ZNF536: variants seen among roughly 807,000 people sequenced by gnomAD.
ZNF536 encodes the protein zinc finger protein 536.
ZNF536 carries 13 observed loss-of-function variants against 84.5 expected under a neutral mutation model. The ratio of observed to expected loss-of-function variants is 0.15; its 90% confidence interval spans 0.10 to 0.24. The LOEUF is 0.24. ZNF536 is among the 10% of genes least tolerant of loss of function. The probability of loss-of-function intolerance (pLI) is 1.00; values close to 1 mark genes in which losing one functional copy is unlikely to be tolerated. For synonymous variants in ZNF536, 811 were observed against 742.5 expected, an observed-to-expected ratio of 1.09 and a Z score of -1.50; for missense variants, 1,536 against 1,747.5, an observed-to-expected ratio of 0.88 and a Z score of 2.16.
At chr19:30,516,676 G>C (rs1034215071) in intron 2 of ZNF536, among the ~76,000 whole-genome samples, 2 of 152,136 alleles carry the variant, frequency 1.3e-5, no homozygotes, top group Non-Finnish European at 1.5e-5. Flanking sequence ...GGGTACTCTT[G>C]GTAAGTAGGC....
intron 1 of ZNF536, among the ~76,000 whole-genome samples, chr19:30,602,313 C>G (rs1266665957): frequency 1.3e-5 from 2 of 152,184 alleles, no homozygotes; most frequent in South Asian, 2.1e-4. Flanking sequence ...TATGGAGTAT[C>G]TGCTCTACGC....
chr19:30,262,160 A>T (rs1342713295), intron 1 of ZNF536, among the ~76,000 whole-genome samples: 1 of 152,242 alleles, frequency 6.6e-6, no homozygotes, highest in Non-Finnish European at 1.5e-5. Flanking sequence ...TAAAAGACAA[A>T]TAAGAACACA....
At chr19:30,517,967 C>A (rs563306939) in intron 2 of ZNF536, among the ~76,000 whole-genome samples, 1 of 152,144 alleles carries the variant, frequency 6.6e-6, no homozygotes, top group Non-Finnish European at 1.5e-5. Flanking sequence ...GTGGGCACAG[C>A]GTGTACCTAC....
intron 2 of ZNF536, among the ~76,000 whole-genome samples, chr19:30,481,510 T>C (rs1284035328): frequency 6.6e-6 from 1 of 152,216 alleles, no homozygotes; most frequent in East Asian, 1.9e-4. Context: ...TTTTGAACCC[T>C]GGTATGTTAA....
chr19:30,712,479 A>AG (rs1227257392), exon 2 of ZNF536: 2 of 152,194 alleles, frequency 1.3e-5, no homozygotes, highest in Non-Finnish European at 2.9e-5. Flanking sequence ...GCACAGATTA[A>AG]ACCCCAGGGC....
intron 1 of ZNF536, among the ~76,000 whole-genome samples, chr19:30,396,592 C>CTCT (rs1299362380): frequency 8.9e-6 from 1 of 112,402 alleles, no homozygotes; most frequent in African/African-American, 3.4e-5. Flanking sequence ...AGGGCTCTCT[C>CTCT]TTTTTTTTTT....
At chr19:30,315,664 G>T (rs1286739344) in intron 2 of ZNF536, among the ~76,000 whole-genome samples, 3 of 152,200 alleles carry the variant, frequency 2.0e-5, no homozygotes, top group Non-Finnish European at 2.9e-5. Context: ...ACAGATTTCT[G>T]TAACGTGAAA....
chr19:30,395,613 T>G (rs1252493141), intron 1 of ZNF536, among the ~76,000 whole-genome samples: 1 of 152,220 alleles, frequency 6.6e-6, no homozygotes, highest in Admixed American at 6.5e-5. Flanking sequence ...TGTTCTCTTC[T>G]GACAACAAGC....
rs1229570147 is a variant in ZNF536 at position 30,445,190 on chromosome 19, C to T, written c.1628C>T (p.Pro543Leu). 8 of 1,614,168 alleles carry T rather than the reference C, an allele frequency of 5.0e-6. No homozygotes were observed. The highest frequency in any genetic ancestry group is 2.2e-5 in the East Asian group (1 of 44,856). ...MEHGFLSKEH[P>L]LQRNHEDTLA... The stretch of plus-strand genomic sequence containing the variant: ...CATGGCTTCTTGTCTAAAGAGCATC[C>T]GCTGCAGCGCAACCACGAAGACACT... The change falls in exon 2 of 5, where the codon CCG (proline) becomes CTG (leucine). Residue 543 changes from proline (P) to leucine (L), a missense_variant. Pro to Leu is a moderately conservative substitution (Grantham distance 98). Coordinates refer to ENST00000355537, the MANE Select transcript of ZNF536 (RefSeq NM_014717.3). This position sits in a 1 kb window ranked among gnomAD's most constrained non-coding sequence, Gnocchi z 4.5.
At chr19:30,401,575 C>T (rs910010600) in intron 1 of ZNF536, among the ~76,000 whole-genome samples, 2 of 152,234 alleles carry the variant, frequency 1.3e-5, no homozygotes, top group Non-Finnish European at 2.9e-5. Flanking sequence ...TCCTTGCTTA[C>T]ACATGTTCTC....
chr19:30,381,620 T>C (rs1600477917), intron 1 of ZNF536, among the ~76,000 whole-genome samples: 1 of 152,166 alleles, frequency 6.6e-6, no homozygotes, highest in Non-Finnish European at 1.5e-5. Flanking sequence ...GATGGGAAAT[T>C]AGGCCATAAT....
chr19:30,611,024 A>G (rs2048087242), intron 1 of ZNF536, among the ~76,000 whole-genome samples: 1 of 152,142 alleles, frequency 6.6e-6, no homozygotes, highest in Admixed American at 6.5e-5. Flanking sequence ...ATGTGCTTCC[A>G]AGTCTGGGCT....
At chr19:30,260,030 G>T (rs747361555) in intron 1 of ZNF536, among the ~76,000 whole-genome samples, 2 of 151,302 alleles carry the variant, frequency 1.3e-5, no homozygotes, top group Non-Finnish European at 2.9e-5. Context: ...CTCCCAAAGT[G>T]CTGGGATTAC....
chr19:30,541,250 G>C (rs993766762), intron 3 of ZNF536, among the ~76,000 whole-genome samples: 2 of 152,156 alleles, frequency 1.3e-5, no homozygotes, highest in African/African-American at 4.8e-5. Context: ...TATCTAGGCT[G>C]TTTTCACACA....
chr19:30,285,976 G>C (rs773528693), intron 2 of ZNF536, among the ~76,000 whole-genome samples: 2 of 152,162 alleles, frequency 1.3e-5, no homozygotes, highest in South Asian at 2.1e-4. Flanking sequence ...AGAGTTCCAT[G>C]GTGCTTTTTC....
intron 1 of ZNF536, among the ~76,000 whole-genome samples, chr19:30,259,407 C>T (rs1473633269): frequency 1.3e-5 from 2 of 152,140 alleles, no homozygotes; most frequent in Non-Finnish European, 2.9e-5. Context: ...GTGGTCCTGG[C>T]GCAACAGCAT....
chr19:30,384,181 CTTTCTCCT>C (rs1259891893), intron 1 of ZNF536, among the ~76,000 whole-genome samples: 1 of 83,102 alleles, frequency 1.2e-5, no homozygotes, highest in African/African-American at 3.8e-5. Context: ...TTCTTTCTTT[CTTTCTCCT>C]TCCTTCCTTC....
chr19:30,408,707 T>C (rs2147649465), intron 1 of ZNF536, among the ~76,000 whole-genome samples: 1 of 152,240 alleles, frequency 6.6e-6, no homozygotes, highest in South Asian at 2.1e-4. Context: ...CATCCATATG[T>C]CCATCCATCC....
At chr19:30,699,495 G>C (rs1387792977) in intron 1 of ZNF536, among the ~76,000 whole-genome samples, 1 of 152,198 alleles carries the variant, frequency 6.6e-6, no homozygotes, top group East Asian at 1.9e-4. Flanking sequence ...TTGTACTAAG[G>C]ATATTCCAAA....
Sources: gnomAD v4.1 joint callset for allele counts (sites outside exome capture counted in the v4.1 genomes callset) on GRCh38, gnomAD v4.1.1 for gene constraint, Gnocchi (gnomAD v3.1) non-coding constraint, MANE v1.5 for transcripts, NCBI Gene and HGNC (gene_info 2026-07-23, HGNC 2026-07-21) for gene names.